GNAQ: variants seen among roughly 807,000 people sequenced by gnomAD.
GNAQ encodes the protein guanine nucleotide-binding protein G(q) subunit alpha.
GNAQ carries 8 observed loss-of-function variants against 43.9 expected under a neutral mutation model. That is an observed-to-expected ratio of 0.18 (90% confidence interval 0.11 to 0.33). The LOEUF (loss-of-function observed/expected upper bound fraction) is 0.33. Ranked by LOEUF, GNAQ falls within the 10% of genes least tolerant of loss-of-function variation. The pLI is 1.00. For missense variants in GNAQ, 158 were observed against 450.8 expected, an observed-to-expected ratio of 0.35 and a Z score of 5.88; for synonymous variants, 155 against 170.7, an observed-to-expected ratio of 0.91 and a Z score of 0.71.
At chr9:77,890,796 T>TA (rs1828393353) in intron 2 of GNAQ, among the ~76,000 whole-genome samples, 1 of 152,148 alleles carries the variant, frequency 6.6e-6, no homozygotes, top group Non-Finnish European at 1.5e-5. Context: ...TCAGGATACT[T>TA]AGTTTTCAAT....
chr9:77,910,591 C>T (rs1587403623), intron 2 of GNAQ, among the ~76,000 whole-genome samples: 1 of 151,716 alleles, frequency 6.6e-6, no homozygotes, highest in Admixed American at 6.6e-5. Flanking sequence ...AAGCAGAGTT[C>T]GCTCATGTGT....
chr9:77,782,681 T>C (rs995480878), intron 5 of GNAQ, among the ~76,000 whole-genome samples: 2 of 152,188 alleles, frequency 1.3e-5, no homozygotes, highest in Admixed American at 6.5e-5. Flanking sequence ...CATGCCCACA[T>C]AAAAACATGC....
At chr9:78,002,272 G>A (rs1387849208) in intron 1 of GNAQ, among the ~76,000 whole-genome samples, 1 of 152,110 alleles carries the variant, frequency 6.6e-6, no homozygotes, top group African/African-American at 2.4e-5. Flanking sequence ...TATGCACAGA[G>A]ATTATACCAG....
At chr9:77,975,254 A>G (rs1823284053) in intron 1 of GNAQ, among the ~76,000 whole-genome samples, 1 of 152,184 alleles carries the variant, frequency 6.6e-6, no homozygotes, top group South Asian at 2.1e-4. Flanking sequence ...TCACATTTAA[A>G]TCATTCTGAC....
At chr9:77,849,623 C>T (rs1348851754) in intron 2 of GNAQ, among the ~76,000 whole-genome samples, 2 of 152,196 alleles carry the variant, frequency 1.3e-5, no homozygotes, top group African/African-American at 4.8e-5. Flanking sequence ...ACCTCCACCA[C>T]AGTTCCACAA....
At chr9:77,874,071 C>T (rs1828086956) in intron 2 of GNAQ, among the ~76,000 whole-genome samples, 1 of 148,974 alleles carries the variant, frequency 6.7e-6, no homozygotes. Context: ...CACCATTGCA[C>T]TCCACCTGGG....
chr9:77,879,689 T>C (rs190986272), intron 2 of GNAQ, among the ~76,000 whole-genome samples: 1 of 152,336 alleles, frequency 6.6e-6, no homozygotes, highest in East Asian at 1.9e-4. Flanking sequence ...CCTAAAATAT[T>C]TTTAAAATTA....
chr9:77,820,207 T>C (rs1354705460), intron 2 of GNAQ, among the ~76,000 whole-genome samples: 5 of 151,748 alleles, frequency 3.3e-5, no homozygotes, highest in Non-Finnish European at 5.9e-5. Flanking sequence ...AAATGTGAAA[T>C]TACAGTCTGG....
chr9:77,802,302 G>C (rs1826756204), intron 3 of GNAQ, among the ~76,000 whole-genome samples: 1 of 152,124 alleles, frequency 6.6e-6, no homozygotes, highest in Non-Finnish European at 1.5e-5. Context: ...ACTCAGAGGA[G>C]GGATTCAGCA....
chr9:78,018,405 A>T (rs1489359230), intron 1 of GNAQ, among the ~76,000 whole-genome samples: 1 of 152,164 alleles, frequency 6.6e-6, no homozygotes, highest in East Asian at 1.9e-4. Context: ...TATATTTTTG[A>T]TAAATTTATG....
At chr9:77,959,580 TAAC>T (rs1234342339) in intron 1 of GNAQ, among the ~76,000 whole-genome samples, 7 of 152,184 alleles carry the variant, frequency 4.6e-5, no homozygotes, top group Non-Finnish European at 8.8e-5. Context: ...TTTTGGGAAA[TAAC>T]AAGTCCGTTT....
chr9:77,770,965 T>C (rs140606296), intron 5 of GNAQ, among the ~76,000 whole-genome samples: 1 of 150,390 alleles, frequency 6.6e-6, no homozygotes, highest in Non-Finnish European at 1.5e-5. Context: ...TTCTGAAAAA[T>C]ATTTTCAGAT....
intron 2 of GNAQ, among the ~76,000 whole-genome samples, chr9:77,884,421 A>G (rs1331470993): frequency 6.6e-6 from 1 of 152,232 alleles, no homozygotes; most frequent in Non-Finnish European, 1.5e-5. Context: ...TTAGGAAACC[A>G]AAAGAAGGCT....
chr9:77,734,748 T>C (rs1825550622), intron 5 of GNAQ, among the ~76,000 whole-genome samples: 1 of 152,236 alleles, frequency 6.6e-6, no homozygotes. Flanking sequence ...TCTGGGATTC[T>C]GTGTCCCCTA....
chr9:77,888,244 C>T (rs1026083488), intron 2 of GNAQ, among the ~76,000 whole-genome samples: 16 of 152,166 alleles, frequency 1.1e-4, no homozygotes, highest in African/African-American at 3.9e-4. Context: ...TTATTGGAAT[C>T]CACGATAACT....
chr9:77,965,592 G>A (rs1264954392), intron 1 of GNAQ, among the ~76,000 whole-genome samples: 2 of 152,144 alleles, frequency 1.3e-5, no homozygotes, highest in East Asian at 1.9e-4. Flanking sequence ...CAAAGCACAT[G>A]AGAAACTACT....
chr9:77,836,007 G>T (rs368001588), intron 2 of GNAQ, among the ~76,000 whole-genome samples: 9 of 152,032 alleles, frequency 5.9e-5, no homozygotes, highest in African/African-American at 2.2e-4. Context: ...TGAGAAAAAC[G>T]AAGAAGAAAG....
intron 2 of GNAQ, among the ~76,000 whole-genome samples, chr9:77,871,833 T>C (rs1828043008): frequency 1.3e-5 from 2 of 152,348 alleles, no homozygotes; most frequent in African/African-American, 4.8e-5. Flanking sequence ...GACAACTTAA[T>C]ATTCTTTTGA....
intron 2 of GNAQ, among the ~76,000 whole-genome samples, chr9:77,860,409 C>T (rs181694229): frequency 1.3e-5 from 2 of 152,302 alleles, no homozygotes; most frequent in East Asian, 3.9e-4. Context: ...CACTACCCCA[C>T]CCCAGGGGGT....
Sources: gnomAD v4.1 joint callset for allele counts (sites outside exome capture counted in the v4.1 genomes callset) on GRCh38, gnomAD v4.1.1 for gene constraint, MANE v1.5 for transcripts, NCBI Gene and HGNC (gene_info 2026-07-23, HGNC 2026-07-21) for gene names.